The following DCAF6 variants were observed in gnomAD, a reference collection of about 807,000 sequenced individuals.
The protein encoded by DCAF6 is DDB1 and CUL4 associated factor 6.
Under a neutral mutation model 125.1 loss-of-function variants are expected in DCAF6, and 54 were observed. That is an observed-to-expected ratio of 0.43 (90% CI 0.35 to 0.54). DCAF6 has a LOEUF of 0.54. Among genes scored for constraint, DCAF6 ranks in the 20% least tolerant of loss-of-function variants. The probability of loss-of-function intolerance (pLI) is 0.01; values close to 1 mark genes in which losing one functional copy is unlikely to be tolerated. For synonymous variants in DCAF6, 371 were observed against 390.4 expected (o/e 0.95, Z 0.58); for missense variants, 934 against 1,161.7 (o/e 0.80, Z 2.85).
the DCAF6 span, among the ~76,000 whole-genome samples, chr1:167,888,924 A>G: frequency 8.6e-5 from 13 of 150,720 alleles, no homozygotes; most frequent in Admixed American, 4.6e-4. Context: ...TGATTTTTGT[A>G]TGATGATTTT....
rs963489317 is a variant in DCAF6 at position 167,989,713 on chromosome 1, T to C, written c.553-1491T>C. On this transcript the variant is annotated intron_variant, in intron 5 of 21. Transcript: ENST00000367840. ...GCCTGACCAATGTGGAGAAACCCCA[T>C]CTCTACTAAAAATACAAAATAGCCA... Among the ~76,000 whole-genome samples, 3 of 151,958 alleles carry C rather than the reference T, an allele frequency of 2.0e-5. No individual in the cohort carries two copies. In the South Asian group the frequency reaches 6.2e-4, roughly 32 times the overall value.
chr1:167,957,536 T>G (rs76328380), intron 2 of DCAF6, among the ~76,000 whole-genome samples: 1,866 of 152,300 alleles, frequency 0.012, 39 homozygotes, highest in African/African-American at 0.043. Flanking sequence ...CATCAGTTGT[T>G]GGATATTTGG....
chr1:167,999,234 A>G (rs1048070339), intron 7 of DCAF6, among the ~76,000 whole-genome samples: 2 of 152,156 alleles, frequency 1.3e-5, no homozygotes, highest in African/African-American at 4.8e-5. Flanking sequence ...TGGGCTTCAA[A>G]TAGTCAGTAA....
At chr1:167,968,155 T>C (rs1676720567) in intron 3 of DCAF6, among the ~76,000 whole-genome samples, 1 of 152,200 alleles carries the variant, frequency 6.6e-6, no homozygotes, top group South Asian at 2.1e-4. Context: ...TCAGTCGGGT[T>C]CTAGTCAAAG....
intron 10 of DCAF6, among the ~76,000 whole-genome samples, chr1:168,012,100 A>G (rs758449400): frequency 6.6e-6 from 1 of 152,216 alleles, no homozygotes; most frequent in Non-Finnish European, 1.5e-5. Context: ...CCAGGAGAAA[A>G]AATGCACAAG....
intron 10 of DCAF6, among the ~76,000 whole-genome samples, 200 bp downstream of exon 10, chr1:168,004,993 C>T (rs1206644500): frequency 6.6e-6 from 1 of 152,058 alleles, no homozygotes; most frequent in Non-Finnish European, 1.5e-5. Context: ...TAGCAGGAAT[C>T]TTCAATTTAT....
At chr1:167,914,667 G>A in the DCAF6 span, among the ~76,000 whole-genome samples, 1 of 152,132 alleles carries the variant, frequency 6.6e-6, no homozygotes, top group African/African-American at 2.4e-5. Context: ...ATGTGACACT[G>A]GAAAAATGTA....
intron 7 of DCAF6, among the ~76,000 whole-genome samples, chr1:167,996,477 A>G (rs767417113): frequency 2.0e-4 from 30 of 152,092 alleles, no homozygotes; most frequent in Non-Finnish European, 3.2e-4. Flanking sequence ...GGCATGACCT[A>G]TCCCCCTTTG....
chr1:167,955,708 T>C (rs1290877804), intron 2 of DCAF6, among the ~76,000 whole-genome samples: 1 of 152,190 alleles, frequency 6.6e-6, no homozygotes, highest in Non-Finnish European at 1.5e-5. Context: ...TTTCACTGGT[T>C]AGTATTCTAT....
chr1:167,960,000 T>G (rs1251770777), intron 2 of DCAF6, among the ~76,000 whole-genome samples: 2 of 152,144 alleles, frequency 1.3e-5, no homozygotes, highest in African/African-American at 4.8e-5. Context: ...GTGTTTATAT[T>G]TAGGTCTGTG....
chr1:167,984,808 T>G (rs1461115127), intron 4 of DCAF6, among the ~76,000 whole-genome samples: 1 of 152,222 alleles, frequency 6.6e-6, no homozygotes, highest in African/African-American at 2.4e-5. Flanking sequence ...AGGACATTAA[T>G]AGATTGAAGT....
At chr1:167,956,461 G>A (rs1674803349) in intron 2 of DCAF6, among the ~76,000 whole-genome samples, 1 of 151,934 alleles carries the variant, frequency 6.6e-6, no homozygotes, top group South Asian at 2.1e-4. Flanking sequence ...GTTTTTTCCT[G>A]ATTAGTTTGG....
At chr1:167,878,472 A>G in the DCAF6 span, 1 of 1,614,128 alleles carries the variant, frequency 6.2e-7, no homozygotes, top group Non-Finnish European at 8.5e-7. Context: ...CCCAATACTG[A>G]TACAATGGTC....
chr1:168,062,746 T>C (rs564765541), intron 17 of DCAF6, among the ~76,000 whole-genome samples: 1 of 152,144 alleles, frequency 6.6e-6, no homozygotes, highest in Admixed American at 6.5e-5. Context: ...TTTATTTTAA[T>C]AGTTAAATCA....
chr1:168,006,305 TGTG>T (rs1319423828), intron 10 of DCAF6, among the ~76,000 whole-genome samples: 1 of 152,174 alleles, frequency 6.6e-6, no homozygotes, highest in African/African-American at 2.4e-5. Flanking sequence ...TTGGTGGTCA[TGTG>T]ATGATTATTG....
At chr1:167,940,340 C>G (rs1672043434) in intron 1 of DCAF6, among the ~76,000 whole-genome samples, 1 of 152,084 alleles carries the variant, frequency 6.6e-6, no homozygotes, top group Non-Finnish European at 1.5e-5. Context: ...TTTGTGAGCC[C>G]TATCTAAATT....
intron 20 of DCAF6, 146 bp from the exon 21 acceptor site, chr1:168,068,212 C>A: frequency 2.2e-6 from 1 of 461,086 alleles, no homozygotes; most frequent in Non-Finnish European, 4.0e-6. Flanking sequence ...ATTGAATAGA[C>A]TTAAGGCAGA....
chr1:168,006,394 G>C (rs1683346503), intron 10 of DCAF6, among the ~76,000 whole-genome samples: 1 of 152,138 alleles, frequency 6.6e-6, no homozygotes, highest in Non-Finnish European at 1.5e-5. Context: ...AGATTATTGA[G>C]AGAATTTTGG....
intron 4 of DCAF6, among the ~76,000 whole-genome samples, chr1:167,980,924 T>TG (rs1406960093): frequency 1.3e-5 from 2 of 149,104 alleles, no homozygotes; most frequent in Non-Finnish European, 3.0e-5. Context: ...TTCTTTTTTT[T>TG]TTTTTTTTTT....
Sources: allele counts gnomAD v4.1 joint callset (sites outside exome capture counted in the v4.1 genomes callset), GRCh38; gene constraint gnomAD v4.1.1; transcripts MANE v1.5; gene names NCBI Gene and HGNC (gene_info 2026-07-23, HGNC 2026-07-21).